The following COL2A1 variants were observed in gnomAD, a reference collection of about 807,000 sequenced individuals.
COL2A1 encodes the protein collagen alpha-1(II) chain.
In COL2A1, 28 loss-of-function variants were observed where a neutral mutation model predicts 204.5. That is an observed-to-expected ratio of 0.14 (90% confidence interval 0.10 to 0.19). COL2A1 has a LOEUF of 0.19. Among genes scored for constraint, COL2A1 ranks in the 10% least tolerant of loss-of-function variants. The pLI, the probability that COL2A1 is intolerant of heterozygous loss-of-function variation, is 1.00. For missense variants in COL2A1, 1,388 were observed against 2,027.5 expected, an observed-to-expected ratio of 0.68 and a Z score of 6.06; for synonymous variants, 708 against 718.7, an observed-to-expected ratio of 0.99 and a Z score of 0.24.
At position 48,000,122 on chromosome 12, in the gene COL2A1, T is replaced by C; in HGVS notation, c.89A>G (p.Glu30Gly). The change falls in exon 2 of 54, where the codon GAG becomes GGG. Residue 30 changes from glutamate (E) to glycine (G), a missense_variant. Transcript: ENST00000380518. ...VLRCQGQDVQEAGSCVQDGQR... is the reference protein window; with the variant it reads ...VLRCQGQDVQGAGSCVQDGQR... ...CCCATCCTGCACACAGCTGCCAGCCTCCTCTGCACCAAGGGTGGGGAGGGA... is the reference window on the plus strand; with the variant it reads ...CCCATCCTGCACACAGCTGCCAGCCCCCTCTGCACCAAGGGTGGGGAGGGA... 1 of 1,610,902 alleles carries C rather than the reference T, an allele frequency of 6.2e-7. No individual in the cohort carries two copies.
intron 18 of COL2A1, among the ~76,000 whole-genome samples, chr12:47,988,009 G>A (rs1939521505): frequency 6.6e-6 from 1 of 152,178 alleles, no homozygotes; most frequent in African/African-American, 2.4e-5. Flanking sequence ...GCAACCTGCT[G>A]TTCCATCGAC....
intron 53 of COL2A1, 97 bp downstream of exon 53, chr12:47,973,992 G>A (rs1045154086): frequency 3.0e-5 from 47 of 1,573,132 alleles, no homozygotes; most frequent in Admixed American, 6.7e-5. Context: ...TGATGATCCT[G>A]TCACTTTAGG....
At chr12:47,989,827 C>T (rs776339096) in intron 16 of COL2A1, 22 bp from the exon 17 acceptor site, 4 of 1,612,084 alleles carry the variant, frequency 2.5e-6, no homozygotes, top group Non-Finnish European at 3.4e-6. Context: ...AAGGAAGTGA[C>T]CATGAGAGGT....
At chr12:47,993,658 G>A (rs1423028098) in intron 14 of COL2A1, 151 bp downstream of exon 14, 4 of 1,092,820 alleles carry the variant, frequency 3.7e-6, no homozygotes, top group Non-Finnish European at 5.6e-6. Flanking sequence ...CAGGCCTGCT[G>A]TTGGCCCATC....
At chr12:47,994,917 T>G (rs1939880947) in intron 11 of COL2A1, among the ~76,000 whole-genome samples, 1 of 152,262 alleles carries the variant, frequency 6.6e-6, no homozygotes, top group Non-Finnish European at 1.5e-5. Flanking sequence ...AAGATAATGC[T>G]GGGTTGTTGA....
At chr12:48,003,005 C>T (rs966744473) in intron 1 of COL2A1, 2 of 152,246 alleles carry the variant, frequency 1.3e-5, no homozygotes, top group Non-Finnish European at 2.9e-5. Flanking sequence ...TTTTATTCCC[C>T]CCGCCGAAGA....
chr12:48,001,536 A>T (rs377326443), intron 1 of COL2A1, among the ~76,000 whole-genome samples: 1 of 152,046 alleles, frequency 6.6e-6, no homozygotes, highest in South Asian at 2.1e-4. Flanking sequence ...ACCCTCGCCC[A>T]TGAGGACCCA....
chr12:48,004,545 C>A, upstream of COL2A1: 1 of 480,342 alleles, frequency 2.1e-6, no homozygotes, highest in Non-Finnish European at 3.7e-6. Context: ...CTCGCCCAAA[C>A]CGCGGGCCGC....
In COL2A1 at chr12:48,004,384, G is replaced by T. The variant is rs1034210175; in HGVS notation, c.-63C>A. ...GAGCGCAGCGAAACGGCAGGAGCAC[G>T]GCGCGGGTCCGGGTCTCTACCGCGC... On this transcript the variant is annotated 5_prime_UTR_variant, in exon 1 of 54. Transcript: ENST00000380518. 2.9e-6 allele frequency: 3 copies of T among 1,046,310 alleles called. No homozygotes were observed. Among genetic ancestry groups the T allele is most frequent in the Admixed American group, 2.1e-5 (1 of 48,500 alleles). 64.8% of individuals were successfully genotyped at this position (1,046,310 alleles called of 1,614,324 possible).
chr12:47,994,448 A>G lies in COL2A1; in HGVS notation c.792T>C (p.Gly264=). 1 of 1,614,084 alleles carries G rather than the reference A, an allele frequency of 6.2e-7. No homozygotes were observed. Among genetic ancestry groups the G allele is most frequent in the Non-Finnish European group, 8.5e-7 (1 of 1,180,032 alleles). ...DGEAGKPGKA[G]ERGPPGPQGA... ...CCTGAGGACCAGGCGGACCCCTTTC[A>G]CCAGCTTTTCCAGGTTTTCCAGCTT... Residue 264 remains glycine, a synonymous_variant, in exon 12 of 54, where the codon GGT becomes GGC. Coordinates refer to ENST00000380518, the MANE Select transcript of COL2A1 (RefSeq NM_001844.5).
At chr12:47,993,340 C>G in intron 15 of COL2A1, 118 bp downstream of exon 15, 1 of 873,338 alleles carries the variant, frequency 1.1e-6, no homozygotes. Flanking sequence ...GCTTTTTGCT[C>G]ACAATCAGAT....
chr12:47,975,734 C>T (rs575938415), intron 50 of COL2A1, 129 bp from the exon 51 acceptor site: 15 of 1,052,680 alleles, frequency 1.4e-5, no homozygotes, highest in African/African-American at 3.2e-5. Flanking sequence ...GTGTAGCAGG[C>T]GAGGACCAAG....
chr12:47,973,360 G>A lies in COL2A1; in HGVS notation c.*47C>T, dbSNP rs753062863. The A allele has an allele frequency of 6.2e-7, 1 of 1,613,168 alleles. No homozygotes were observed. The highest frequency in any genetic ancestry group is 1.3e-5 in the African/African-American group (1 of 74,872). ...AGTGACTGAGATTGGAAAGTACTTG[G>A]GTCCTTTGGGTTTGCAACGGATTGT... On this transcript the variant is annotated 3_prime_UTR_variant, in exon 54 of 54. Transcript: ENST00000380518.
In COL2A1 at chr12:47,985,016, G is replaced by T; in HGVS notation, c.1812C>A (p.Phe604Leu). 1 of 1,614,008 alleles carries T rather than the reference G, an allele frequency of 6.2e-7. No individual in the cohort carries two copies. The highest frequency in any genetic ancestry group is 8.5e-7 in the Non-Finnish European group (1 of 1,180,002). The change falls in exon 27 of 54, where the codon TTC becomes TTA. Residue 604 changes from phenylalanine (F) to leucine (L), a missense_variant. Coordinates refer to ENST00000380518, the MANE Select transcript of COL2A1 (RefSeq NM_001844.5). ...GARGQPGVMG[F>L]PGPKGANGEP... ...TTACGTTGGCACCTTTGGGGCCAGG[G>T]AAACCCATGACACCAGGCTGCCCAC...
chr12:47,993,130 C>T lies in COL2A1; in HGVS notation c.970-199G>A, dbSNP rs563243868. Among the ~76,000 whole-genome samples the T allele has an allele frequency of 3.9e-5, 6 of 152,296 alleles. No individual in the cohort carries two copies. The East Asian group carries it at 9.7e-4, about 25-fold the overall frequency. ...CACACCCAACAGTTTTCTCCACAGG[C>T]GGAACACACGAATGTTCCTGTTGCT... is the stretch of plus-strand genomic sequence containing the variant. On this transcript the variant is annotated intron_variant, in intron 15 of 53. Coordinates refer to ENST00000380518, the MANE Select transcript of COL2A1 (RefSeq NM_001844.5).
At chr12:47,975,100 G>A (rs1938632741) in intron 51 of COL2A1, among the ~76,000 whole-genome samples, 1 of 152,232 alleles carries the variant, frequency 6.6e-6, no homozygotes, top group Non-Finnish European at 1.5e-5. Flanking sequence ...CCCAGCTGGT[G>A]GATGGAGTCC....
Position 47,985,591 on chromosome 12 carries a change from T to G in COL2A1, c.1681-4A>C. On this transcript the variant is annotated splice_polypyrimidine_tract_variant and splice_region_variant and intron_variant, in intron 25 of 53. Transcript: ENST00000380518. ...CACCAGGGCGGCCAGTGAGACCCTT[T>G]GTTCAGGAGAGAGAAGAGGGTGGGG... 1 of 1,613,930 alleles carries G rather than the reference T, an allele frequency of 6.2e-7. No individual in the cohort carries two copies. The highest frequency in any genetic ancestry group is 1.1e-5 in the South Asian group (1 of 91,078).
In COL2A1 at chr12:47,974,161, G is replaced by T; in HGVS notation, c.4245C>A (p.Gly1415=). The change falls in exon 53 of 54, where the codon GGC becomes GGA. Residue 1415 remains glycine, a synonymous_variant. Transcript: ENST00000380518. ...CTGCCCGGATCTCCACGTCATTGGAGCCCTGGATGAGCAGGGCCTTCTTGA... is the reference window on the plus strand; with the variant it reads ...CTGCCCGGATCTCCACGTCATTGGATCCCTGGATGAGCAGGGCCTTCTTGA... ...GNLKKALLIQ[G]SNDVEIRAEG... is the part of the protein sequence containing the mutation. The T allele has an allele frequency of 1.2e-6, 2 of 1,614,230 alleles. No individual in the cohort carries two copies. Among genetic ancestry groups the T allele is most frequent in the South Asian group, 1.1e-5 (1 of 91,080 alleles).
At chr12:47,984,450 G>GATCCC in intron 28 of COL2A1, 96 bp downstream of exon 28, 2 of 1,268,928 alleles carry the variant, frequency 1.6e-6, no homozygotes, top group Non-Finnish European at 2.3e-6. Flanking sequence ...CAATACTGAG[G>GATCCC]GGTCCCGGGA....
Sources: allele counts gnomAD v4.1 joint callset (sites outside exome capture counted in the v4.1 genomes callset), GRCh38; gene constraint gnomAD v4.1.1; transcripts MANE v1.5; gene names NCBI Gene and HGNC (gene_info 2026-07-23, HGNC 2026-07-21).